Variants in SLC9A9 observed in about 807,000 individuals in gnomAD.
SLC9A9 encodes sodium/hydrogen exchanger 9.
Under a neutral mutation model 77.8 loss-of-function variants are expected in SLC9A9, and 62 were observed. The ratio of observed to expected loss-of-function variants is 0.80; its 90% CI spans 0.65 to 0.98. SLC9A9 has a LOEUF of 0.98. SLC9A9 is among the 50% of genes least tolerant of loss of function. SLC9A9 has a pLI of 0.00. For synonymous variants in SLC9A9, 320 were observed against 283.5 expected (o/e 1.13, Z -1.29); for missense variants, 775 against 774.9 (o/e 1.00, Z 0.00).
At chr3:143,431,903 G>A (rs1434414199) in intron 12 of SLC9A9, among the ~76,000 whole-genome samples, 2 of 151,898 alleles carry the variant, frequency 1.3e-5, no homozygotes, top group East Asian at 3.9e-4. Flanking sequence ...TACAGTCTTT[G>A]CATAAGCTAT....
chr3:143,792,901 G>A (rs180723862), intron 4 of SLC9A9, among the ~76,000 whole-genome samples: 6 of 152,100 alleles, frequency 3.9e-5, no homozygotes, highest in Middle Eastern at 3.4e-3. Context: ...CCTAAAGTAT[G>A]AATCTGACTT....
At chr3:143,580,560 A>G (rs193056843) in intron 6 of SLC9A9, among the ~76,000 whole-genome samples, 1 of 152,332 alleles carries the variant, frequency 6.6e-6, no homozygotes, top group Admixed American at 6.5e-5. Flanking sequence ...AGATTTTATT[A>G]AAGAATATCT....
intron 4 of SLC9A9, among the ~76,000 whole-genome samples, chr3:143,763,154 C>A (rs2007191976): frequency 1.3e-5 from 2 of 152,090 alleles, no homozygotes; most frequent in Admixed American, 6.6e-5. Context: ...GGCTCTCTTA[C>A]CCAGTGTGCA....
intron 2 of SLC9A9, among the ~76,000 whole-genome samples, chr3:143,799,535 C>T (rs1026365373): frequency 9.9e-5 from 15 of 152,216 alleles, no homozygotes; most frequent in Non-Finnish European, 1.9e-4. Flanking sequence ...TCTTCCAGAA[C>T]CTCCTCATCC....
intron 5 of SLC9A9, among the ~76,000 whole-genome samples, chr3:143,668,363 G>A (rs1326091080): frequency 1.3e-5 from 2 of 150,970 alleles, no homozygotes; most frequent in Admixed American, 1.3e-4. Context: ...GATAGCATTA[G>A]GAGATATACC....
intron 2 of SLC9A9, 26 bp downstream of exon 2, chr3:143,831,993 T>C (rs1232103402): frequency 2.5e-6 from 4 of 1,590,462 alleles, no homozygotes; most frequent in East Asian, 2.2e-5. Context: ...GTAAAACAAA[T>C]ATATAATACC....
At chr3:143,688,081 C>A (rs960852377) in intron 5 of SLC9A9, among the ~76,000 whole-genome samples, 1 of 148,194 alleles carries the variant, frequency 6.7e-6, no homozygotes, top group African/African-American at 2.5e-5. Flanking sequence ...TTCTTTATTT[C>A]TTTTTCTTTC....
intron 4 of SLC9A9, among the ~76,000 whole-genome samples, chr3:143,734,457 T>G (rs1462747704): frequency 1.3e-5 from 2 of 152,122 alleles, no homozygotes; most frequent in African/African-American, 4.8e-5. Context: ...GACCCTTGGC[T>G]GGGTGCAGTG....
Position 143,354,225 on chromosome 3 carries a change from C to T in SLC9A9, c.1604+9259G>A, listed in dbSNP as rs543351186. ...CTTCTCATTATTTAATTTCATGTTA[C>T]GAAATCGCTGTTCCTCCATGGACAC... On this transcript the variant is annotated intron_variant, in intron 14 of 15. Transcript: ENST00000316549. Among the ~76,000 whole-genome samples the T allele has an allele frequency of 1.4e-4, 22 of 152,302 alleles. No individual in the cohort carries two copies. The South Asian group carries it at 1.7e-3, about 11-fold the overall frequency.
At chr3:143,577,838 T>C (rs1324427403) in intron 7 of SLC9A9, among the ~76,000 whole-genome samples, 1 of 152,184 alleles carries the variant, frequency 6.6e-6, no homozygotes, top group Non-Finnish European at 1.5e-5. Flanking sequence ...GTTCTACCTC[T>C]CTTCTGTGGC....
At chr3:143,579,636 C>T (rs2037421039) in intron 6 of SLC9A9, among the ~76,000 whole-genome samples, 1 of 151,882 alleles carries the variant, frequency 6.6e-6, no homozygotes, top group African/African-American at 2.4e-5. Context: ...TATTTTAATA[C>T]AGGATTTTAA....
At chr3:143,515,088 T>G (rs1466091447) in intron 9 of SLC9A9, among the ~76,000 whole-genome samples, 3 of 152,112 alleles carry the variant, frequency 2.0e-5, no homozygotes, top group African/African-American at 4.8e-5. Flanking sequence ...AGGTGATTGG[T>G]TAGCCTAATT....
rs940057596 is a variant in SLC9A9 at position 143,429,732 on chromosome 3, G to A, written c.1469+37305C>T. On this transcript the variant is annotated intron_variant, in intron 12 of 15. Transcript: ENST00000316549. ...TGGAGATCACCCCTCCAGAGGGGGA[G>A]GCTGAGTGTGTGTGGAGTCCTAGTC... is the stretch of plus-strand genomic sequence containing the variant. Among the ~76,000 whole-genome samples, 3 of 148,818 alleles carry A rather than the reference G, an allele frequency of 2.0e-5. No individual in the cohort carries two copies. In the Admixed American group the frequency reaches 2.0e-4, roughly 10 times the overall value.
intron 5 of SLC9A9, among the ~76,000 whole-genome samples, chr3:143,669,115 C>A (rs952154429): frequency 2.0e-5 from 3 of 152,148 alleles, no homozygotes; most frequent in African/African-American, 4.8e-5. Context: ...AGAGTGAGTG[C>A]CTTCTTAAAT....
intron 14 of SLC9A9, among the ~76,000 whole-genome samples, chr3:143,272,761 G>C (rs1578252942): frequency 1.3e-5 from 2 of 152,004 alleles, no homozygotes; most frequent in East Asian, 3.9e-4. Context: ...TTCCCCATTG[G>C]GTATTTTTAA....
At chr3:143,703,090 A>G (rs1933851383) in intron 4 of SLC9A9, among the ~76,000 whole-genome samples, 2 of 152,144 alleles carry the variant, frequency 1.3e-5, no homozygotes, top group African/African-American at 4.8e-5. Flanking sequence ...TTTTCGAGCT[A>G]AAGAGTGAGA....
rs541083265 is a variant in SLC9A9 at position 143,767,204 on chromosome 3, T to A, written c.533+27797A>T. On this transcript the variant is annotated intron_variant, in intron 4 of 15. Transcript: ENST00000316549. ...GTTGGACTAGAGTAACATGTCCAAC[T>A]TCCTGCATGTTATTCATGCCAGGGT... is the stretch of plus-strand genomic sequence containing the variant. Among the ~76,000 whole-genome samples the A allele has an allele frequency of 4.6e-5, 7 of 152,252 alleles. No homozygotes were observed. In the South Asian group the frequency reaches 1.5e-3, roughly 32 times the overall value.
chr3:143,429,942 C>A (rs1384987793), intron 12 of SLC9A9, among the ~76,000 whole-genome samples: 1 of 152,156 alleles, frequency 6.6e-6, no homozygotes, highest in East Asian at 1.9e-4. Flanking sequence ...GATGAAGAAA[C>A]TGAAGCCCAA....
chr3:143,353,280 T>A (rs1439270642), intron 14 of SLC9A9, among the ~76,000 whole-genome samples: 1 of 152,240 alleles, frequency 6.6e-6, no homozygotes, highest in Admixed American at 6.5e-5. Context: ...AATGTTTGTG[T>A]CTCTCCAAAT....
Sources: allele counts gnomAD v4.1 joint callset (sites outside exome capture counted in the v4.1 genomes callset), GRCh38; gene constraint gnomAD v4.1.1; transcripts MANE v1.5; gene names NCBI Gene and HGNC (gene_info 2026-07-23, HGNC 2026-07-21).